ANO4: variants seen among roughly 807,000 people sequenced by gnomAD.
ANO4 encodes anoctamin-4.
A neutral mutation model predicts 141.9 loss-of-function variants in ANO4; 69 were observed. The observed-to-expected ratio is 0.49, with a 90% CI of 0.40 to 0.59. ANO4 has a LOEUF of 0.59. ANO4 is among the 20% of genes least tolerant of loss of function. The probability of loss-of-function intolerance (pLI) is 0.00; values close to 1 mark genes in which losing one functional copy is unlikely to be tolerated. For missense variants in ANO4, 894 were observed against 1,162.2 expected, an observed-to-expected ratio of 0.77 and a Z score of 3.36; for synonymous variants, 350 against 394.3, an observed-to-expected ratio of 0.89 and a Z score of 1.33.
chr12:100,966,079 A>G (rs939621439), intron 5 of ANO4, among the ~76,000 whole-genome samples: 5 of 152,136 alleles, frequency 3.3e-5, no homozygotes, highest in Non-Finnish European at 7.4e-5. Flanking sequence ...CTTGGATCTC[A>G]GGATTTCTGG....
intron 1 of ANO4, among the ~76,000 whole-genome samples, chr12:100,801,991 C>T (rs1455025626): frequency 1.3e-5 from 2 of 152,178 alleles, no homozygotes; most frequent in African/African-American, 4.8e-5. Context: ...CTGCATAACA[C>T]GTTTTTTTCT....
intron 9 of ANO4, among the ~76,000 whole-genome samples, chr12:101,035,592 T>C (rs1168528939): frequency 6.6e-6 from 1 of 152,182 alleles, no homozygotes; most frequent in Non-Finnish European, 1.5e-5. Flanking sequence ...GATGAGGAAA[T>C]TGAGTCCTGA....
chr12:100,733,706 T>C, intron 1 of ANO4: 1 of 659,658 alleles, frequency 1.5e-6, no homozygotes, highest in Admixed American at 2.2e-5. Context: ...ACCAGTCATA[T>C]ATTTACATTG....
At chr12:100,744,793 G>A (rs2032029903) in intron 3 of ANO4, among the ~76,000 whole-genome samples, 1 of 152,080 alleles carries the variant, frequency 6.6e-6, no homozygotes, top group African/African-American at 2.4e-5. Context: ...TTCTGCTCAA[G>A]CTCTCACTAT....
rs181273620 is a variant in ANO4 at position 100,781,274 on chromosome 12, C to T, written c.358+41169C>T. ...GATTTTATTTATAACAGTATTGGAG[C>T]GCTCCCTGGCTCAGTAGACATTTAC... On this transcript the variant is annotated intron_variant, in intron 3 of 29. Coordinates refer to the ANO4 transcript ENST00000644049. 2.3e-3 allele frequency among the ~76,000 whole-genome samples: 355 copies of T among 152,190 alleles called. 2 individuals are homozygous for T. Among genetic ancestry groups the T allele is most frequent in the African/African-American group, 8.0e-3 (334 of 41,524 alleles).
intron 8 of ANO4, among the ~76,000 whole-genome samples, chr12:100,988,982 C>T (rs938224863): frequency 4.0e-5 from 6 of 151,222 alleles, no homozygotes; most frequent in Admixed American, 3.3e-4. Context: ...AACAGAAAAA[C>T]GGTTAAAGTC....
chr12:100,772,007 C>G (rs2033320544), intron 3 of ANO4, among the ~76,000 whole-genome samples: 1 of 152,210 alleles, frequency 6.6e-6, no homozygotes, highest in African/African-American at 2.4e-5. Flanking sequence ...AGGAGCCAGA[C>G]TCCTCAAGAC....
Position 100,940,662 on chromosome 12 carries a change from T to A in ANO4, c.297+1211T>A, listed in dbSNP as rs370805474. 4.6e-5 allele frequency among the ~76,000 whole-genome samples: 7 copies of A among 152,290 alleles called. No individual in the cohort carries two copies. In the East Asian group the frequency reaches 1.4e-3, roughly 29 times the overall value. ...CCCCAGCTGAGATGTTTTTTTCGATTAAGGTTTGTGCAAGAATGTGGTTTC... is the reference window on the plus strand; with the variant it reads ...CCCCAGCTGAGATGTTTTTTTCGATAAAGGTTTGTGCAAGAATGTGGTTTC... On this transcript the variant is annotated intron_variant, in intron 4 of 27. Transcript: ENST00000392977.
chr12:101,125,753 A>G (rs1047419857), intron 26 of ANO4, among the ~76,000 whole-genome samples: 1 of 152,196 alleles, frequency 6.6e-6, no homozygotes, highest in Admixed American at 6.5e-5. Flanking sequence ...CAACTTGATC[A>G]TGGTAGATAA....
At chr12:100,835,187 C>A (rs892459093) in intron 1 of ANO4, among the ~76,000 whole-genome samples, 1 of 152,176 alleles carries the variant, frequency 6.6e-6, no homozygotes, top group Admixed American at 6.5e-5. Flanking sequence ...CTGGTTAGAT[C>A]TCTGCTTGTC....
At chr12:100,949,956 C>T (rs543935855) in intron 5 of ANO4, among the ~76,000 whole-genome samples, 1 of 152,296 alleles carries the variant, frequency 6.6e-6, no homozygotes, top group East Asian at 1.9e-4. Flanking sequence ...GATTTCCCCA[C>T]TTAAAGAGCT....
At chr12:100,829,971 G>T (rs1177110152) in intron 1 of ANO4, among the ~76,000 whole-genome samples, 1 of 152,060 alleles carries the variant, frequency 6.6e-6, no homozygotes, top group African/African-American at 2.4e-5. Flanking sequence ...GAATTGCATT[G>T]AAATCGTGGC....
chr12:101,111,801 T>C, intron 24 of ANO4, 91 bp downstream of exon 24: 2 of 1,185,992 alleles, frequency 1.7e-6, no homozygotes, highest in Non-Finnish European at 2.3e-6. Flanking sequence ...CTGGAGAATA[T>C]GGAATACATG....
At chr12:101,028,724 C>A (rs779355186) in intron 9 of ANO4, among the ~76,000 whole-genome samples, 1 of 152,020 alleles carries the variant, frequency 6.6e-6, no homozygotes, top group Non-Finnish European at 1.5e-5. Flanking sequence ...CTGAAGCAGA[C>A]GTGAAGAATG....
intron 2 of ANO4, among the ~76,000 whole-genome samples, chr12:100,735,620 G>A (rs976792589): frequency 6.6e-6 from 1 of 152,132 alleles, no homozygotes. Context: ...GAGGTGGGAT[G>A]AAGAGGCGGG....
Position 100,901,781 on chromosome 12 carries a change from TA to T in ANO4, c.1del. On this transcript the variant is annotated 5_prime_UTR_variant, in exon 2 of 28. Transcript: ENST00000392977. ...TCACTCCCACCAGGCAGAAGGTCAA[TA>T]AAAATGGAGGCAAGCTCTTCTGGAA... 6.2e-7 allele frequency: 1 copy of T among 1,613,826 alleles called. No homozygotes were observed. Among genetic ancestry groups the T allele is most frequent in the South Asian group, 1.1e-5 (1 of 91,046 alleles).
intron 3 of ANO4, among the ~76,000 whole-genome samples, chr12:100,928,797 TA>T (rs1300771363): frequency 6.6e-6 from 1 of 152,144 alleles, no homozygotes; most frequent in Non-Finnish European, 1.5e-5. Context: ...ACCTTTTTTT[TA>T]CAATGAAGTA....
chr12:100,847,714 G>A (rs544983517), intron 1 of ANO4, among the ~76,000 whole-genome samples: 92 of 152,174 alleles, frequency 6.0e-4, no homozygotes, highest in African/African-American at 2.1e-3. Context: ...CTCATGATCC[G>A]CCTGCCTCGG....
Position 101,048,882 on chromosome 12 carries a change from G to A in ANO4, c.1312+481G>A, listed in dbSNP as rs368866085. 4.5e-3 allele frequency among the ~76,000 whole-genome samples: 682 copies of A among 152,236 alleles called. 10 individuals are homozygous for A. The highest frequency in any genetic ancestry group is 0.027 in the Middle Eastern group (8 of 294). ...CAAGCTAACAGCCCCATCACACAAGGTGTGATGGAAACAGTCAAATATTTG... is the reference window on the plus strand; with the variant it reads ...CAAGCTAACAGCCCCATCACACAAGATGTGATGGAAACAGTCAAATATTTG... On this transcript the variant is annotated intron_variant, in intron 14 of 27. Transcript: ENST00000392977.
Sources: gnomAD v4.1 joint callset for allele counts (sites outside exome capture counted in the v4.1 genomes callset) on GRCh38, gnomAD v4.1.1 for gene constraint, MANE v1.5 for transcripts, NCBI Gene and HGNC (gene_info 2026-07-23, HGNC 2026-07-21) for gene names.